ATP13A5: variants seen among roughly 807,000 people sequenced by gnomAD.
ATP13A5 encodes the protein ATPase 13A5, also known as probable cation-transporting ATPase 13A5.
A neutral mutation model predicts 150.2 loss-of-function variants in ATP13A5; 149 were observed. The ratio of observed to expected loss-of-function variants is 0.99; its 90% confidence interval spans 0.87 to 1.14. The LOEUF is 1.14. Ranked by LOEUF, ATP13A5 falls within the 50% of genes most tolerant of loss-of-function variation. The pLI, the probability that ATP13A5 is intolerant of heterozygous loss-of-function variation, is 0.00. For missense variants in ATP13A5, 1,383 were observed against 1,449.3 expected (o/e 0.95, Z 0.74); for synonymous variants, 497 against 522.2 (o/e 0.95, Z 0.66).
intron 23 of ATP13A5, among the ~76,000 whole-genome samples, chr3:193,304,809 G>A (rs545353254): frequency 2.2e-4 from 34 of 152,286 alleles, no homozygotes; most frequent in African/African-American, 8.2e-4. Context: ...GTAAACAAAA[G>A]AGGTTTAATT....
intron 1 of ATP13A5, among the ~76,000 whole-genome samples, chr3:193,370,759 C>A (rs979730965): frequency 6.6e-6 from 1 of 152,100 alleles, no homozygotes; most frequent in Admixed American, 6.6e-5. Flanking sequence ...TTAATTCTCA[C>A]CACAACCCTA....
intron 1 of ATP13A5, among the ~76,000 whole-genome samples, chr3:193,366,348 C>A (rs191173212): frequency 6.6e-6 from 1 of 151,942 alleles, no homozygotes; most frequent in African/African-American, 2.4e-5. Flanking sequence ...ATACTATTTA[C>A]AAGAGACACA....
At chr3:193,284,016 T>TATC (rs1717613653) in intron 27 of ATP13A5, among the ~76,000 whole-genome samples, 1 of 148,978 alleles carries the variant, frequency 6.7e-6, no homozygotes, top group Non-Finnish European at 1.5e-5. Context: ...GGATTATTAT[T>TATC]ATTATTATTA....
At chr3:193,309,873 T>A (rs904251583) in intron 21 of ATP13A5, among the ~76,000 whole-genome samples, 1 of 152,192 alleles carries the variant, frequency 6.6e-6, no homozygotes, top group Non-Finnish European at 1.5e-5. Flanking sequence ...TCCCCTTTTT[T>A]AAACTTTTAT....
chr3:193,335,179 T>C, intron 9 of ATP13A5, 80 bp from the exon 10 acceptor site: 1 of 1,351,448 alleles, frequency 7.4e-7, no homozygotes. Flanking sequence ...TTCAAGAAAT[T>C]ATACAAACCA....
chr3:193,281,330 C>T (rs374870485), intron 27 of ATP13A5: 32 of 335,722 alleles, frequency 9.5e-5, no homozygotes, highest in African/African-American at 5.3e-4. Context: ...AACTAGGTCT[C>T]GCCTGTGCAC....
intron 6 of ATP13A5, among the ~76,000 whole-genome samples, chr3:193,353,031 C>G (rs1712626013): frequency 6.6e-6 from 1 of 151,958 alleles, no homozygotes; most frequent in South Asian, 2.1e-4. Context: ...CAAGGGTGGC[C>G]ATGGGCTTCC....
chr3:193,311,123 C>T (rs1382890019), intron 20 of ATP13A5, among the ~76,000 whole-genome samples: 1 of 152,160 alleles, frequency 6.6e-6, no homozygotes, highest in East Asian at 1.9e-4. Context: ...TCAGCTGTGC[C>T]AGCTAGCTGT....
intron 9 of ATP13A5, among the ~76,000 whole-genome samples, chr3:193,338,073 C>A (rs1425455913): frequency 2.6e-5 from 4 of 152,138 alleles, no homozygotes; most frequent in Non-Finnish European, 4.4e-5. Context: ...GATTTGTGCA[C>A]ATTGATTTTG....
chr3:193,351,723 T>A lies in ATP13A5; in HGVS notation c.607-522A>T, dbSNP rs369154641. On this transcript the variant is annotated intron_variant, in intron 6 of 29. Transcript: ENST00000342358. ...AGGTCCTAGCAAGGTCACATAAGAGTCAGCCAAGTTCTTCTCTTGAACAAG... is the reference window on the plus strand; with the variant it reads ...AGGTCCTAGCAAGGTCACATAAGAGACAGCCAAGTTCTTCTCTTGAACAAG... Among the ~76,000 whole-genome samples, 251 of 152,152 alleles carry A rather than the reference T, an allele frequency of 1.6e-3. 1 individual carries two copies. The highest frequency in any genetic ancestry group is 5.5e-3 in the African/African-American group (230 of 41,520).
chr3:193,365,255 C>T (rs1033628601), intron 1 of ATP13A5, among the ~76,000 whole-genome samples: 2 of 152,106 alleles, frequency 1.3e-5, no homozygotes, highest in East Asian at 3.8e-4. Context: ...TTAGTTTTTA[C>T]TAAGTGTCTA....
chr3:193,346,555 A>G (rs943224650), intron 7 of ATP13A5, among the ~76,000 whole-genome samples: 2 of 152,178 alleles, frequency 1.3e-5, no homozygotes, highest in Admixed American at 6.5e-5. Context: ...TACTGTCAGC[A>G]ATACTTAATT....
chr3:193,371,101 G>A (rs1265107556), intron 1 of ATP13A5, among the ~76,000 whole-genome samples: 2 of 152,198 alleles, frequency 1.3e-5, no homozygotes, highest in East Asian at 1.9e-4. Context: ...GTCAAAAGAT[G>A]ATGAGATGCC....
At chr3:193,347,375 A>G (rs1215406599) in intron 7 of ATP13A5, among the ~76,000 whole-genome samples, 2 of 132,172 alleles carry the variant, frequency 1.5e-5, no homozygotes, top group Admixed American at 7.5e-5. Flanking sequence ...AAAATGTTAA[A>G]GTAATCTTTT....
At chr3:193,324,484 T>C (rs1254239321) in intron 14 of ATP13A5, among the ~76,000 whole-genome samples, 4 of 152,242 alleles carry the variant, frequency 2.6e-5, no homozygotes, top group African/African-American at 9.6e-5. Flanking sequence ...AAAACACTGA[T>C]GTTTTGGAGA....
At chr3:193,314,821 A>T in intron 18 of ATP13A5, 151 bp downstream of exon 18, 3 of 936,716 alleles carry the variant, frequency 3.2e-6, no homozygotes, top group Non-Finnish European at 4.8e-6. Flanking sequence ...GGGCAGCTGC[A>T]CATGTTTTTA....
chr3:193,347,444 T>G (rs957423573), intron 7 of ATP13A5, among the ~76,000 whole-genome samples: 4 of 152,110 alleles, frequency 2.6e-5, no homozygotes, highest in Non-Finnish European at 5.9e-5. Context: ...TAAAACCTTT[T>G]CTGTTGAGGA....
rs139101525 is a variant in ATP13A5 at position 193,280,114 on chromosome 3, G to A, written c.3227-660C>T. Among the ~76,000 whole-genome samples, 871 of 150,884 alleles carry A rather than the reference G, an allele frequency of 5.8e-3. 7 individuals carry two copies. The highest frequency in any genetic ancestry group is 0.021 in the African/African-American group (845 of 41,016). On this transcript the variant is annotated intron_variant, in intron 27 of 29. Transcript: ENST00000342358. ...CACCCAGGCTGGAGTGCAGTGGCACGATCTTGGCTCACTGCAACCTCCGCC... is the reference window on the plus strand; with the variant it reads ...CACCCAGGCTGGAGTGCAGTGGCACAATCTTGGCTCACTGCAACCTCCGCC...
Position 193,319,115 on chromosome 3 carries a change from G to T in ATP13A5, c.1916-7C>A. The T allele has an allele frequency of 6.2e-7, 1 of 1,608,712 alleles. No homozygotes were observed. ...TGTGGGAAATTCTTGGGCACTGCCA[G>T]GGTAGAAGAAACAGGTAAGTGTAAG... On this transcript the variant is annotated splice_polypyrimidine_tract_variant and splice_region_variant and intron_variant, in intron 16 of 29. Transcript: ENST00000342358.
Sources: allele counts gnomAD v4.1 joint callset (sites outside exome capture counted in the v4.1 genomes callset), GRCh38; gene constraint gnomAD v4.1.1; transcripts MANE v1.5; gene names NCBI Gene and HGNC (gene_info 2026-07-23, HGNC 2026-07-21).